CAD: variants seen among roughly 807,000 people sequenced by gnomAD.
The protein encoded by CAD is multifunctional protein CAD.
A neutral mutation model predicts 237.2 loss-of-function variants in CAD; 81 were observed. The ratio of observed to expected loss-of-function variants is 0.34; its 90% CI spans 0.29 to 0.41. CAD has a LOEUF of 0.41. Among genes scored for constraint, CAD ranks in the 10% least tolerant of loss-of-function variants. The pLI is 1.00. For synonymous variants in CAD, 1,196 were observed against 1,162.8 expected (o/e 1.03, Z -0.58); for missense variants, 2,181 against 2,951.7 (o/e 0.74, Z 6.05).
At position 27,240,539 on chromosome 2, in the gene CAD, C is replaced by T. The variant is rs572624582; in HGVS notation, c.5593+178C>T. ...GGTGTGAGTAGACATCTCACAGCTT[C>T]TCACATGCCCTTTTTTGTTGTGGGC... On this transcript the variant is annotated intron_variant, in intron 35 of 43. Coordinates refer to ENST00000264705, the MANE Select transcript of CAD (RefSeq NM_004341.5). The surrounding 1 kb of genome is among the most constrained non-coding windows in gnomAD (Gnocchi z 4.6). 7.1e-6 allele frequency: 11 copies of T among 1,548,878 alleles called. No homozygotes were observed. In the African/African-American group the frequency reaches 1.5e-4, roughly 21 times the overall value.
chr2:27,231,473 G>C lies in CAD; in HGVS notation c.2293G>C (p.Val765Leu). 1 of 1,596,778 alleles carries C rather than the reference G, an allele frequency of 6.3e-7. No individual in the cohort carries two copies. Among genetic ancestry groups the C allele is most frequent in the Non-Finnish European group, 8.6e-7 (1 of 1,164,300 alleles). The change falls in exon 16 of 44, where the codon GTC (valine) becomes CTC (leucine). Residue 765 changes from valine (V) to leucine (L), a missense_variant. Val to Leu is a conservative substitution (Grantham distance 32). This residue lies in a region of CAD where 385 missense variants were observed against 535.1 expected (regional missense o/e 0.72). Transcript: ENST00000264705. Reference sequence around the variant, plus strand: ...CTTCCATTCTGTTCTTCCAGGTGAAGTCATGGGCATTGGGCGTTCATTTGA... The same window carrying C: ...CTTCCATTCTGTTCTTCCAGGTGAACTCATGGGCATTGGGCGTTCATTTGA... ...IGSCMKSVGE[V>L]MGIGRSFEEA... is the part of the protein sequence containing the mutation.
Position 27,241,797 on chromosome 2 carries a change from T to C in CAD, c.5884-114T>C. 1 of 781,756 alleles carries C rather than the reference T, an allele frequency of 1.3e-6. No individual in the cohort carries two copies. The highest frequency in any genetic ancestry group is 2.1e-6 in the Non-Finnish European group (1 of 471,716). 48.4% of individuals were successfully genotyped at this position (781,756 alleles called of 1,614,324 possible). Reference sequence around the variant, plus strand: ...TGACAGGTCACAGGGGAGGTTTGGGTGCAGAAGGGTCCTCACAGCACCCCT... The same window carrying C: ...TGACAGGTCACAGGGGAGGTTTGGGCGCAGAAGGGTCCTCACAGCACCCCT... On this transcript the variant is annotated intron_variant, in intron 38 of 43. Coordinates refer to ENST00000264705, the MANE Select transcript of CAD (RefSeq NM_004341.5). The surrounding 1 kb of genome is among the most constrained non-coding windows in gnomAD (Gnocchi z 4.6).
chr2:27,242,192 C>T lies in CAD; in HGVS notation c.6096+69C>T, dbSNP rs530779626. On this transcript the variant is annotated intron_variant, in intron 39 of 43. Coordinates refer to ENST00000264705, the MANE Select transcript of CAD (RefSeq NM_004341.5). This position sits in a 1 kb window ranked among gnomAD's most constrained non-coding sequence, Gnocchi z 6.4. ...CCCAGGGGCATGAGAACCCTTCTGC[C>T]CACGTTTTCTGTGTTTTGGGCCAGA... The T allele has an allele frequency of 3.1e-6, 5 of 1,589,906 alleles. No individual in the cohort carries two copies. In the African/African-American group the frequency reaches 6.7e-5, roughly 21 times the overall value.
chr2:27,237,735 C>T lies in CAD; in HGVS notation c.4581C>T (p.Ala1527=). ...CTCTCCAGCTGGCAGAGGCTGGCGC[C>T]CGGTGCGACTTTGCGCTATTCCTTG... ...ALAQKLAEAG[A]RCDFALFLGA... is the part of the protein sequence containing the mutation. Residue 1527 remains alanine, a synonymous_variant, in exon 29 of 44, where the codon GCC becomes GCT. Coordinates refer to ENST00000264705, the MANE Select transcript of CAD (RefSeq NM_004341.5). The surrounding 1 kb of genome is among the most constrained non-coding windows in gnomAD (Gnocchi z 4.0). 6 of 1,613,650 alleles carry T rather than the reference C, an allele frequency of 3.7e-6. No individual in the cohort carries two copies. Among genetic ancestry groups the T allele is most frequent in the Non-Finnish European group, 5.1e-6 (6 of 1,179,774 alleles).
At chr2:27,231,771 A>G (rs999424307) in intron 16 of CAD, among the ~76,000 whole-genome samples, 191 bp downstream of exon 16, 14 of 152,376 alleles carry the variant, frequency 9.2e-5, no homozygotes, top group African/African-American at 3.4e-4. Flanking sequence ...GTTTTTACAG[A>G]TGAGGAAACT....
chr2:27,236,147 G>A lies in CAD; in HGVS notation c.4075-137G>A. The A allele has an allele frequency of 9.3e-7, 1 of 1,075,658 alleles. No homozygotes were observed. The highest frequency in any genetic ancestry group is 2.4e-5 in the East Asian group (1 of 40,894). 66.6% of individuals were successfully genotyped at this position (1,075,658 alleles called of 1,614,324 possible). On this transcript the variant is annotated intron_variant, in intron 25 of 43. Coordinates refer to ENST00000264705, the MANE Select transcript of CAD (RefSeq NM_004341.5). The surrounding 1 kb of genome is among the most constrained non-coding windows in gnomAD (Gnocchi z 4.1). Reference sequence around the variant, plus strand: ...AAATACACTTTGCCAGTATCAAATAGAGGCAGCCCTCAGTGCCCACCCTAT... The same window carrying A: ...AAATACACTTTGCCAGTATCAAATAAAGGCAGCCCTCAGTGCCCACCCTAT...
At chr2:27,238,957 T>G (rs148145258) in intron 31 of CAD, 85 bp from the exon 32 acceptor site, 17 of 1,287,358 alleles carry the variant, frequency 1.3e-5, no homozygotes, top group Non-Finnish European at 1.5e-5. Context: ...ATAAGGAGGT[T>G]GTTGGAAGTG....
At chr2:27,223,893 T>A (rs1217037571) in intron 7 of CAD, 24 bp from the exon 8 acceptor site, 6 of 1,586,904 alleles carry the variant, frequency 3.8e-6, no homozygotes, top group Non-Finnish European at 5.2e-6. Flanking sequence ...CATGATGGTT[T>A]TCATGATGCA....
rs780065553 is a variant in CAD, at chr2:27,238,207, C to T, written c.4860+20C>T. 2.5e-6 allele frequency: 4 copies of T among 1,612,022 alleles called. No individual in the cohort carries two copies. The highest frequency in any genetic ancestry group is 3.4e-6 in the Non-Finnish European group (4 of 1,179,184). On this transcript the variant is annotated intron_variant, in intron 30 of 43. Coordinates refer to ENST00000264705, the MANE Select transcript of CAD (RefSeq NM_004341.5). ...GAGGAGGTAAGAGTACACCTGAGATCCTGCTGTCCCTGTTGCTTTCCCAGT... is the reference window on the plus strand; with the variant it reads ...GAGGAGGTAAGAGTACACCTGAGATTCTGCTGTCCCTGTTGCTTTCCCAGT...
rs1676228236 is a variant in CAD at position 27,240,100 on chromosome 2, G to A, written c.5497-165G>A. On this transcript the variant is annotated intron_variant, in intron 34 of 43. Coordinates refer to ENST00000264705, the MANE Select transcript of CAD (RefSeq NM_004341.5). The surrounding 1 kb of genome is among the most constrained non-coding windows in gnomAD (Gnocchi z 4.6). ...TACTAAAAATAAAAAAATTAGCCAG[G>A]CGTGGTGGTGCACATCTGTAATCCC... The A allele has an allele frequency of 4.5e-6, 3 of 660,354 alleles. No individual in the cohort carries two copies. The highest frequency in any genetic ancestry group is 5.2e-5 in the East Asian group (2 of 38,354). The allele number at this position is 660,354 out of a possible 1,614,324, so 40.9% of individuals were successfully genotyped here. A position where few individuals can be genotyped will look rare whatever the true frequency, so the allele number is the denominator to read the frequency against.
rs1675309779 is a variant in CAD at position 27,223,940 on chromosome 2, A to G, written c.1019A>G (p.Gln340Arg). 5 of 1,613,716 alleles carry G rather than the reference A, an allele frequency of 3.1e-6. No individual in the cohort carries two copies. The South Asian group carries it at 5.5e-5, about 18-fold the overall frequency. Residue 340 changes from glutamine to arginine, a missense_variant, in exon 8 of 44, where the codon CAA (glutamine) becomes CGA (arginine). Transcript: ENST00000264705. Reference protein sequence around the residue: ...FFSVQFHPEHQAGPSDMELLF... With the variant: ...FFSVQFHPEHRAGPSDMELLF... ...AGTGTCCAGTTTCACCCAGAGCACCAAGCTGGCCCTTCAGATATGGAACTG... is the reference window on the plus strand; with the variant it reads ...AGTGTCCAGTTTCACCCAGAGCACCGAGCTGGCCCTTCAGATATGGAACTG...
chr2:27,226,330 G>C lies in CAD; in HGVS notation c.2031+11G>C. ...CCTGAGTCTGAGCAGGTAAGCTCTA[G>C]GCCCTGGAACTGATAGTCTAGTTGT... On this transcript the variant is annotated intron_variant, in intron 13 of 43. Transcript: ENST00000264705. 6.2e-7 allele frequency: 1 copy of C among 1,613,260 alleles called. No individual in the cohort carries two copies. The highest frequency in any genetic ancestry group is 8.5e-7 in the Non-Finnish European group (1 of 1,179,298).
chr2:27,232,688 C>G lies in CAD; in HGVS notation c.2886C>G (p.Leu962=), dbSNP rs569173180. 4.8e-5 allele frequency: 78 copies of G among 1,614,184 alleles called. No homozygotes were observed. The highest frequency in any genetic ancestry group is 4.3e-4 in the South Asian group (39 of 91,078). ...DWCAVGCIQQ[L]RKMGYKTIMV... is the part of the protein sequence containing the mutation. ...GTGCTGTAGGCTGCATCCAGCAGCT[C>G]CGAAAGGTCAGAGAGTTCATTTTCT... Residue 962 remains leucine, a synonymous_variant, in exon 18 of 44, where the codon CTC becomes CTG. Coordinates refer to ENST00000264705, the MANE Select transcript of CAD (RefSeq NM_004341.5). This position sits in a 1 kb window ranked among gnomAD's most constrained non-coding sequence, Gnocchi z 4.1.
Position 27,236,940 on chromosome 2 carries a change from A to C in CAD, c.4396+110A>C. 5 of 845,902 alleles carry C rather than the reference A, an allele frequency of 5.9e-6. No individual in the cohort carries two copies. In the South Asian group the frequency reaches 6.8e-5, roughly 12 times the overall value. 52.4% of individuals were successfully genotyped at this position (845,902 alleles called of 1,614,324 possible). On this transcript the variant is annotated intron_variant, in intron 27 of 43. Coordinates refer to ENST00000264705, the MANE Select transcript of CAD (RefSeq NM_004341.5). The surrounding 1 kb of genome is among the most constrained non-coding windows in gnomAD (Gnocchi z 4.1). ...GCCCACTCTTTGTCCTGGACTGCAC[A>C]GACTGTGAAGACCCCAGAATGTTTC...
chr2:27,235,287 G>A lies in CAD; in HGVS notation c.3829G>A (p.Val1277Met). The change falls in exon 24 of 44, where the codon GTG (valine) becomes ATG (methionine). Residue 1277 changes from valine to methionine, a missense_variant. By Grantham distance (21) the Val-to-Met change is conservative. This residue lies in a region of CAD where 306 missense variants were observed against 607.9 expected (regional missense o/e 0.50). Transcript: ENST00000264705. The surrounding 1 kb of genome is among the most constrained non-coding windows in gnomAD (Gnocchi z 5.2). ...SFSRLAGADVVLGVEMTSTGE... is the reference protein window; with the variant it reads ...SFSRLAGADVMLGVEMTSTGE... ...CTCCCGCTTGGCGGGTGCTGACGTG[G>A]TGTTGGGTGTGGAAATGACCAGTAC... 1 of 1,613,708 alleles carries A rather than the reference G, an allele frequency of 6.2e-7. No homozygotes were observed. The highest frequency in any genetic ancestry group is 8.5e-7 in the Non-Finnish European group (1 of 1,179,862).
rs753204449 is a variant in CAD, at chr2:27,240,329, G to A, written c.5561G>A (p.Arg1854Gln). ...GATGGCCGCTTCCATCTGCCGCCCC[G>A]AATCCATCGAGCCTCCGACCCAGGT... is the stretch of plus-strand genomic sequence containing the variant. ...LPDGRFHLPP[R>Q]IHRASDPGLP... The change falls in exon 35 of 44, where the codon CGA (arginine) becomes CAA (glutamine). Residue 1854 changes from arginine (R) to glutamine (Q), a missense_variant. Physicochemically the swap from Arg to Gln is conservative, Grantham distance 43. Coordinates refer to ENST00000264705, the MANE Select transcript of CAD (RefSeq NM_004341.5). This position sits in a 1 kb window ranked among gnomAD's most constrained non-coding sequence, Gnocchi z 4.6. 4.8e-5 allele frequency: 77 copies of A among 1,614,036 alleles called. No individual in the cohort carries two copies. Among genetic ancestry groups the A allele is most frequent in the Non-Finnish European group, 5.7e-5 (67 of 1,179,992 alleles).
chr2:27,237,594 A>G lies in CAD; in HGVS notation c.4563+49A>G. On this transcript the variant is annotated intron_variant, in intron 28 of 43. Coordinates refer to ENST00000264705, the MANE Select transcript of CAD (RefSeq NM_004341.5). The surrounding 1 kb of genome is among the most constrained non-coding windows in gnomAD (Gnocchi z 4.0). ...TATTGGAGACCCATATGCCCCTACC[A>G]GCCACCCTTGCTTCCCTGAGCCCTT... 6.3e-7 allele frequency: 1 copy of G among 1,590,454 alleles called. No individual in the cohort carries two copies. Among genetic ancestry groups the G allele is most frequent in the Non-Finnish European group, 8.6e-7 (1 of 1,165,300 alleles).
chr2:27,236,008 A>G lies in CAD; in HGVS notation c.4075-276A>G, dbSNP rs986301716. ...AAAAGTCTCTTAAAATCTCTGTACC[A>G]CTGTTCTGATATTTTTCCTTCCAGG... On this transcript the variant is annotated intron_variant, in intron 25 of 43. Coordinates refer to ENST00000264705, the MANE Select transcript of CAD (RefSeq NM_004341.5). The surrounding 1 kb of genome is among the most constrained non-coding windows in gnomAD (Gnocchi z 4.1). 3.8e-6 allele frequency: 2 copies of G among 531,884 alleles called. No individual in the cohort carries two copies. The highest frequency in any genetic ancestry group is 7.0e-5 in the Admixed American group (2 of 28,736). The allele number at this position is 531,884 out of a possible 1,614,324, so 32.9% of individuals were successfully genotyped here. A position where few individuals can be genotyped will look rare whatever the true frequency, so the allele number is the denominator to read the frequency against.
At chr2:27,230,039 A>T (rs1378535392) in intron 15 of CAD, among the ~76,000 whole-genome samples, 1 of 150,472 alleles carries the variant, frequency 6.6e-6, no homozygotes, top group Non-Finnish European at 1.5e-5. Flanking sequence ...GGAGTTCGAG[A>T]CCAGCCTGGC....
Sources: allele counts gnomAD v4.1 joint callset (sites outside exome capture counted in the v4.1 genomes callset), GRCh38; gene constraint gnomAD v4.1.1; regional missense constraint gnomAD v4.1.1; non-coding constraint Gnocchi (gnomAD v3.1); transcripts MANE v1.5; gene names NCBI Gene and HGNC (gene_info 2026-07-23, HGNC 2026-07-21).